CDC27: variants seen among roughly 807,000 people sequenced by gnomAD.
CDC27 encodes the protein cell division cycle protein 27 homolog.
CDC27 carries 27 observed loss-of-function variants against 109.7 expected under a neutral mutation model. That is an observed-to-expected ratio of 0.25 (90% CI 0.18 to 0.34). The LOEUF is 0.34. Ranked by LOEUF, CDC27 falls within the 10% of genes least tolerant of loss-of-function variation. The pLI is 1.00. For synonymous variants in CDC27, 266 were observed against 333.9 expected (o/e 0.80, Z 2.22); for missense variants, 579 against 960.2 (o/e 0.60, Z 5.25).
chr17:47,144,873 A>T (rs907837335), intron 9 of CDC27, among the ~76,000 whole-genome samples: 2 of 148,350 alleles, frequency 1.3e-5, no homozygotes, highest in African/African-American at 5.1e-5. Flanking sequence ...TGTGTATATC[A>T]CACACACACA....
At chr17:47,157,695 A>G (rs1341822661) in intron 5 of CDC27, among the ~76,000 whole-genome samples, 1 of 152,196 alleles carries the variant, frequency 6.6e-6, no homozygotes, top group African/African-American at 2.4e-5. Flanking sequence ...CATTTTTCTC[A>G]AAGTAGGAGA....
chr17:47,143,263 G>A (rs571497356), intron 10 of CDC27, among the ~76,000 whole-genome samples: 58 of 152,198 alleles, frequency 3.8e-4, no homozygotes, highest in African/African-American at 1.3e-3. Flanking sequence ...TGCGTCCGCC[G>A]GGTCTCCAGT....
chr17:47,179,930 TCTTTAA>T (rs1223676178), intron 2 of CDC27, among the ~76,000 whole-genome samples: 1 of 152,220 alleles, frequency 6.6e-6, no homozygotes, highest in Non-Finnish European at 1.5e-5. Context: ...AACTGCCTAT[TCTTTAA>T]TAATAAACAA....
chr17:47,170,868 A>C (rs1390760779), intron 3 of CDC27: 1 of 152,250 alleles, frequency 6.6e-6, no homozygotes, highest in Non-Finnish European at 1.5e-5. Context: ...TGGGAGGCCA[A>C]GGTGGGAGGA....
At chr17:47,122,306 C>T (rs2062004659) in intron 18 of CDC27, 138 bp downstream of exon 18, 1 of 525,668 alleles carries the variant, frequency 1.9e-6, no homozygotes, top group Non-Finnish European at 3.3e-6. Context: ...TATTACATCA[C>T]CCTGTTCAAT....
At chr17:47,131,569 C>G (rs1271411873) in intron 15 of CDC27, among the ~76,000 whole-genome samples, 2 of 152,046 alleles carry the variant, frequency 1.3e-5, no homozygotes, top group African/African-American at 4.8e-5. Context: ...AGGATGAGAA[C>G]AAGAACTTAA....
intron 4 of CDC27, among the ~76,000 whole-genome samples, chr17:47,166,821 C>T (rs940867997): frequency 2.0e-5 from 3 of 152,062 alleles, no homozygotes; most frequent in African/African-American, 7.2e-5. Context: ...TTTAAAATCT[C>T]CTGTGAGACT....
At chr17:47,163,922 C>T (rs982769330) in intron 4 of CDC27, among the ~76,000 whole-genome samples, 2 of 152,140 alleles carry the variant, frequency 1.3e-5, no homozygotes, top group African/African-American at 4.8e-5. Context: ...TGTCACCACG[C>T]CCAGCTGATT....
At chr17:47,182,655 T>C (rs534149499) in intron 1 of CDC27, among the ~76,000 whole-genome samples, 2 of 152,348 alleles carry the variant, frequency 1.3e-5, no homozygotes, top group African/African-American at 4.8e-5. Flanking sequence ...GAAAATTCAT[T>C]CTTGATGTGT....
chr17:47,134,704 G>C (rs2148835949), intron 14 of CDC27, among the ~76,000 whole-genome samples: 1 of 151,638 alleles, frequency 6.6e-6, no homozygotes, highest in Admixed American at 6.6e-5. Flanking sequence ...TTGATCTCTT[G>C]ACCTCATGAT....
chr17:47,136,796 T>C (rs1271829438), intron 14 of CDC27, among the ~76,000 whole-genome samples: 3 of 152,210 alleles, frequency 2.0e-5, no homozygotes, highest in Non-Finnish European at 4.4e-5. Context: ...TGCTATTCCT[T>C]TCCAATTTCC....
At chr17:47,147,898 CAA>C (rs893703763) in intron 9 of CDC27, among the ~76,000 whole-genome samples, 11 of 45,632 alleles carry the variant, frequency 2.4e-4, no homozygotes, top group South Asian at 7.0e-4. Context: ...GACCCTGTCT[CAA>C]AAAAAAAAAA....
chr17:47,180,137 T>G (rs1598604045), intron 2 of CDC27, among the ~76,000 whole-genome samples: 1 of 152,190 alleles, frequency 6.6e-6, no homozygotes, highest in African/African-American at 2.4e-5. Context: ...CAACAAAAAT[T>G]TTTAAAAATA....
At position 47,142,238 on chromosome 17, in the gene CDC27, C is replaced by T. The variant is rs746941225; in HGVS notation, c.1369G>A (p.Ala457Thr). 3.5e-5 allele frequency: 55 copies of T among 1,580,874 alleles called. No individual in the cohort carries two copies. The highest frequency in any genetic ancestry group is 4.6e-5 in the Non-Finnish European group (53 of 1,159,612). The change falls in exon 11 of 19, where the codon GCA becomes ACA. Residue 457 changes from alanine (A) to threonine (T), a missense_variant. Transcript: ENST00000066544. ...AGCATTTAAAACAGACCTGCTGCTGCTTTTTGTAGATTAAAGGCCTGAATC... is the reference window on the plus strand; with the variant it reads ...AGCATTTAAAACAGACCTGCTGCTGTTTTTTGTAGATTAAAGGCCTGAATC... ...PQIQAFNLQK[A>T]AAEGLMSLLR... is the part of the protein sequence containing the mutation.
At chr17:47,132,833 A>C (rs1736421895) in intron 14 of CDC27, among the ~76,000 whole-genome samples, 1 of 144,918 alleles carries the variant, frequency 6.9e-6, no homozygotes, top group Admixed American at 7.0e-5. Flanking sequence ...GCAGTGGCTC[A>C]ATCACGGCTC....
At chr17:47,169,490 C>G (rs559826602) in intron 4 of CDC27, among the ~76,000 whole-genome samples, 1 of 151,562 alleles carries the variant, frequency 6.6e-6, no homozygotes, top group Non-Finnish European at 1.5e-5. Context: ...ACCAAAAATA[C>G]AAAAATTAGC....
Position 47,156,979 on chromosome 17 carries a change from T to C in CDC27, c.776A>G (p.Gln259Arg). 1 of 1,583,476 alleles carries C rather than the reference T, an allele frequency of 6.3e-7. No homozygotes were observed. The highest frequency in any genetic ancestry group is 2.2e-5 in the East Asian group (1 of 44,576). ...TGTSILSKQVQNKPKTGRSLL... is the reference protein window; with the variant it reads ...TGTSILSKQVRNKPKTGRSLL... The stretch of plus-strand genomic sequence containing the variant: ...ACTTCGACCAGTTTTTGGTTTATTT[T>C]GAACCTGTTTAGATAATATGGAAGT... The change falls in exon 7 of 19, where the codon CAA (glutamine) becomes CGA (arginine). Residue 259 changes from glutamine to arginine, a missense_variant. Physicochemically the swap from Gln to Arg is conservative, Grantham distance 43. Transcript: ENST00000066544.
At chr17:47,121,071 TG>T in intron 18 of CDC27, 54 bp from the exon 19 acceptor site, 1 of 1,174,118 alleles carries the variant, frequency 8.5e-7, no homozygotes, top group Non-Finnish European at 1.3e-6. Context: ...TATGTCCTGT[TG>T]GTTCATGAAA....
chr17:47,189,263 G>A lies in CDC27; in HGVS notation c.-91C>T, dbSNP rs2064584693. ...AGCCCCTGCTCATTTAAACTCACCA[G>A]CGACCGTTACCGGGGGATGGGGGAG... On this transcript the variant is annotated 5_prime_UTR_variant, in exon 1 of 19. Coordinates refer to ENST00000066544, the MANE Select transcript of CDC27 (RefSeq NM_001256.6). 9.9e-7 allele frequency: 1 copy of A among 1,006,892 alleles called. No individual in the cohort carries two copies. Among genetic ancestry groups the A allele is most frequent in the East Asian group, 2.4e-5 (1 of 41,222 alleles). The allele number at this position is 1,006,892 out of a possible 1,614,324, so 62.4% of individuals were successfully genotyped here.
Sources: allele counts gnomAD v4.1 joint callset (sites outside exome capture counted in the v4.1 genomes callset), GRCh38; gene constraint gnomAD v4.1.1; transcripts MANE v1.5; gene names NCBI Gene and HGNC (gene_info 2026-07-23, HGNC 2026-07-21).